The following ADAMTSL1 variants were observed in gnomAD, a reference collection of about 807,000 sequenced individuals.
ADAMTSL1 encodes ADAMTS like 1, also known as ADAMTS-like protein 1.
ADAMTSL1 carries 126 observed loss-of-function variants against 201.8 expected under a neutral mutation model. The ratio of observed to expected loss-of-function variants is 0.62; its 90% CI spans 0.54 to 0.72. The LOEUF (loss-of-function observed/expected upper bound fraction) is 0.72, where lower values mean the gene tolerates loss of function less well. ADAMTSL1 is among the 30% of genes least tolerant of loss of function. The pLI is 0.00. For missense variants in ADAMTSL1, 2,679 were observed against 2,277.8 expected, an observed-to-expected ratio of 1.18 and a Z score of -3.59; for synonymous variants, 1,121 against 903.4, an observed-to-expected ratio of 1.24 and a Z score of -4.32.
At chr9:18,715,398 C>A (rs1426499750) in intron 14 of ADAMTSL1, among the ~76,000 whole-genome samples, 1 of 152,112 alleles carries the variant, frequency 6.6e-6, no homozygotes. Context: ...TCTCAGGATA[C>A]AAAATCAATG....
At chr9:18,227,107 C>G (rs924234702) in intron 2 of ADAMTSL1, among the ~76,000 whole-genome samples, 35 of 152,228 alleles carry the variant, frequency 2.3e-4, no homozygotes, top group African/African-American at 7.5e-4. Context: ...GAGTTAACCC[C>G]TCCATTTTTT....
chr9:18,209,789 G>C (rs775950722), intron 2 of ADAMTSL1, among the ~76,000 whole-genome samples: 1 of 152,072 alleles, frequency 6.6e-6, no homozygotes, highest in Non-Finnish European at 1.5e-5. Context: ...CATCATAGTG[G>C]ATAATTCATT....
chr9:18,293,216 C>G (rs930530434), intron 2 of ADAMTSL1, among the ~76,000 whole-genome samples: 1 of 152,202 alleles, frequency 6.6e-6, no homozygotes, highest in Admixed American at 6.5e-5. Flanking sequence ...AATGGTGCTA[C>G]AGTGAACATG....
chr9:18,772,410 G>A (rs2133727570), intron 17 of ADAMTSL1, among the ~76,000 whole-genome samples: 1 of 152,272 alleles, frequency 6.6e-6, no homozygotes, highest in Non-Finnish European at 1.5e-5. Flanking sequence ...GGACCTTTGA[G>A]ATTTTGGGAC....
chr9:18,051,869 C>A (rs1454711162), intron 1 of ADAMTSL1, among the ~76,000 whole-genome samples: 2 of 152,184 alleles, frequency 1.3e-5, no homozygotes, highest in African/African-American at 4.8e-5. Flanking sequence ...CACGTCAAAG[C>A]TGTAAGGTGA....
At chr9:18,546,318 AT>A (rs1219580338) in intron 3 of ADAMTSL1, among the ~76,000 whole-genome samples, 11 of 151,988 alleles carry the variant, frequency 7.2e-5, no homozygotes, top group Admixed American at 3.9e-4. Context: ...TTTCATTATT[AT>A]TGGTTTTTTT....
At chr9:18,767,226 G>C (rs1001048886) in intron 16 of ADAMTSL1, among the ~76,000 whole-genome samples, 1 of 152,162 alleles carries the variant, frequency 6.6e-6, no homozygotes, top group Non-Finnish European at 1.5e-5. Flanking sequence ...GGAGAGGTCA[G>C]AGCTTAAAAT....
intron 4 of ADAMTSL1, 85 bp from the exon 5 acceptor site, chr9:18,622,158 G>A: frequency 1.3e-6 from 2 of 1,542,332 alleles, no homozygotes; most frequent in South Asian, 1.2e-5. Flanking sequence ...GATGAAGGGA[G>A]GGTTATTTCA....
intron 2 of ADAMTSL1, among the ~76,000 whole-genome samples, chr9:18,515,796 A>G (rs1486139032): frequency 6.6e-6 from 1 of 152,202 alleles, no homozygotes; most frequent in East Asian, 1.9e-4. Context: ...ACAGTTGTCT[A>G]GTATTAGTCA....
chr9:18,179,193 A>C (rs919851036), intron 2 of ADAMTSL1, among the ~76,000 whole-genome samples: 2 of 152,182 alleles, frequency 1.3e-5, no homozygotes, highest in Non-Finnish European at 2.9e-5. Context: ...GAGCTGATGG[A>C]GCTGAAAACC....
rs112763311 is a variant in ADAMTSL1 at position 18,462,803 on chromosome 9, G to A, written c.208-42026G>A. Among the ~76,000 whole-genome samples the A allele has an allele frequency of 1.5e-3, 229 of 152,120 alleles. 1 individual carries two copies. Among genetic ancestry groups the A allele is most frequent in the African/African-American group, 5.3e-3 (218 of 41,486 alleles). On this transcript the variant is annotated intron_variant, in intron 2 of 29. Coordinates refer to the ADAMTSL1 transcript ENST00000680146. ...AAAATGAAAAAATTAGTTGGGCATG[G>A]TGGCACGCACCTGTAATTCTAGCTA...
chr9:18,151,076 G>A (rs748125240), intron 1 of ADAMTSL1, among the ~76,000 whole-genome samples: 1 of 151,950 alleles, frequency 6.6e-6, no homozygotes, highest in Non-Finnish European at 1.5e-5. Context: ...TGGAAAATGT[G>A]TTATGGTGGC....
intron 23 of ADAMTSL1, among the ~76,000 whole-genome samples, chr9:18,839,497 T>A (rs761961960): frequency 3.5e-4 from 54 of 152,170 alleles, no homozygotes; most frequent in Non-Finnish European, 6.9e-4. Context: ...TAAACATATG[T>A]GTGCGTGTGT....
intron 19 of ADAMTSL1, among the ~76,000 whole-genome samples, chr9:18,792,477 C>CAA (rs924978069): frequency 2.0e-5 from 3 of 152,162 alleles, no homozygotes; most frequent in Non-Finnish European, 4.4e-5. Context: ...TCTGTAGGGA[C>CAA]AAGGGAGATG....
intron 2 of ADAMTSL1, among the ~76,000 whole-genome samples, chr9:18,443,719 T>C (rs1820085224): frequency 6.6e-6 from 1 of 152,214 alleles, no homozygotes; most frequent in Non-Finnish European, 1.5e-5. Flanking sequence ...CCCAAAGATA[T>C]GGAGAAATCT....
At chr9:18,064,563 A>G (rs1822607805) in intron 1 of ADAMTSL1, among the ~76,000 whole-genome samples, 3 of 152,176 alleles carry the variant, frequency 2.0e-5, no homozygotes, top group African/African-American at 7.2e-5. Context: ...ATTTGGGTAT[A>G]AGGTGTTTGA....
At chr9:18,286,117 C>T (rs567129563) in intron 2 of ADAMTSL1, among the ~76,000 whole-genome samples, 1 of 152,118 alleles carries the variant, frequency 6.6e-6, no homozygotes, top group Non-Finnish European at 1.5e-5. Flanking sequence ...AGCATCATTT[C>T]TGTGTTGGAG....
chr9:18,057,704 G>C (rs1270691763), intron 1 of ADAMTSL1, among the ~76,000 whole-genome samples: 1 of 152,204 alleles, frequency 6.6e-6, no homozygotes, highest in Non-Finnish European at 1.5e-5. Flanking sequence ...CTGGGCTCCA[G>C]CCATACCTGC....
intron 2 of ADAMTSL1, among the ~76,000 whole-genome samples, chr9:18,293,400 A>G (rs547391025): frequency 1.3e-5 from 2 of 152,234 alleles, no homozygotes; most frequent in African/African-American, 2.4e-5. Context: ...GGCATATGTC[A>G]TCAAGAACTG....
Sources: gnomAD v4.1 joint callset for allele counts (sites outside exome capture counted in the v4.1 genomes callset) on GRCh38, gnomAD v4.1.1 for gene constraint, MANE v1.5 for transcripts, NCBI Gene and HGNC (gene_info 2026-07-23, HGNC 2026-07-21) for gene names.